Variants in FYB1 observed in about 807,000 individuals in gnomAD.
The protein encoded by FYB1 is FYN-binding protein 1.
Under a neutral mutation model 94.1 loss-of-function variants are expected in FYB1, and 41 were observed. The ratio of observed to expected loss-of-function variants is 0.44; its 90% CI spans 0.34 to 0.57. The LOEUF (loss-of-function observed/expected upper bound fraction) is 0.57. Ranked by LOEUF, FYB1 falls within the 20% of genes least tolerant of loss-of-function variation. The pLI is 0.02. For synonymous variants in FYB1, 367 were observed against 353.2 expected (o/e 1.04, Z -0.44); for missense variants, 1,050 against 976.8 (o/e 1.07, Z -1.00).
At chr5:39,148,200 TA>T (rs1159947066) in intron 3 of FYB1, among the ~76,000 whole-genome samples, 3 of 84,590 alleles carry the variant, frequency 3.5e-5, no homozygotes, top group Non-Finnish European at 6.9e-5. Context: ...TATATATATA[TA>T]TATATATTTG....
chr5:39,131,505 A>G (rs192629997), intron 9 of FYB1, among the ~76,000 whole-genome samples: 1 of 152,250 alleles, frequency 6.6e-6, no homozygotes, highest in African/African-American at 2.4e-5. Context: ...CCTAACGTTA[A>G]AAGTGGGTGA....
chr5:39,256,674 A>G (rs1259107972), intron 1 of FYB1, among the ~76,000 whole-genome samples: 1 of 152,084 alleles, frequency 6.6e-6, no homozygotes. Context: ...CATAGTTTGG[A>G]AATTCCCTGT....
At chr5:39,201,744 G>C (rs1325943824) in intron 2 of FYB1, 82 bp downstream of exon 2, 9 of 1,250,248 alleles carry the variant, frequency 7.2e-6, no homozygotes, top group Non-Finnish European at 1.0e-5. Context: ...ATCATTCCTT[G>C]TTACAAAACT....
chr5:39,232,763 T>C (rs1346370234), intron 1 of FYB1, among the ~76,000 whole-genome samples: 3 of 132,756 alleles, frequency 2.3e-5, no homozygotes, highest in African/African-American at 2.9e-5. Context: ...TTCCCCTTCC[T>C]GTGTCCATGT....
At chr5:39,221,245 C>T (rs373063969), upstream of FYB1, among the ~76,000 whole-genome samples, 27 of 152,232 alleles carry the variant, frequency 1.8e-4, no homozygotes, top group Non-Finnish European at 2.4e-4. Flanking sequence ...GGCCTGAGCT[C>T]TTCTGATCCA....
intron 1 of FYB1, among the ~76,000 whole-genome samples, chr5:39,248,417 C>T (rs1391107503): frequency 1.3e-5 from 2 of 152,044 alleles, no homozygotes; most frequent in East Asian, 3.8e-4. Context: ...CAACAGGCTT[C>T]TTAGAAAAAG....
intron 1 of FYB1, among the ~76,000 whole-genome samples, chr5:39,210,380 T>A (rs1204414106): frequency 6.6e-6 from 1 of 152,240 alleles, no homozygotes; most frequent in East Asian, 1.9e-4. Flanking sequence ...TTCCGAGCAC[T>A]GATGATCCGG....
At chr5:39,232,645 C>T (rs1579747986) in intron 1 of FYB1, among the ~76,000 whole-genome samples, 1 of 151,116 alleles carries the variant, frequency 6.6e-6, no homozygotes, top group Non-Finnish European at 1.5e-5. Flanking sequence ...TATACATGTG[C>T]CATGCTGGTG....
rs190338277 is a variant in FYB1, at chr5:39,180,034, C to G, written c.1135+21792G>C. Among the ~76,000 whole-genome samples the G allele has an allele frequency of 7.0e-4, 107 of 152,184 alleles. 1 individual carries two copies. Among genetic ancestry groups the G allele is most frequent in the African/African-American group, 2.5e-3 (104 of 41,512 alleles). ...CTTAACATGTGGTAATGTAAGTGCCCATTTTTCTGACCATGACTCCTATTA... is the reference window on the plus strand; with the variant it reads ...CTTAACATGTGGTAATGTAAGTGCCGATTTTTCTGACCATGACTCCTATTA... On this transcript the variant is annotated intron_variant, in intron 2 of 18. Coordinates refer to ENST00000512982, the MANE Select transcript of FYB1 (RefSeq NM_001465.6).
At chr5:39,242,896 C>T (rs10052715) in intron 1 of FYB1, among the ~76,000 whole-genome samples, 5 of 151,884 alleles carry the variant, frequency 3.3e-5, no homozygotes, top group Non-Finnish European at 7.3e-5. Flanking sequence ...GCCAGTGATG[C>T]TGAGCATTTT....
intron 2 of FYB1, among the ~76,000 whole-genome samples, chr5:39,154,211 A>T (rs1373880488): frequency 6.6e-6 from 1 of 152,188 alleles, no homozygotes; most frequent in African/African-American, 2.4e-5. Flanking sequence ...TACCTAAAAA[A>T]TTTCTAGGTT....
chr5:39,270,570 A>T, intron 1 of FYB1: 1 of 1,535,146 alleles, frequency 6.5e-7, no homozygotes, highest in Non-Finnish European at 8.7e-7. Flanking sequence ...ATTACTTACC[A>T]TTTTTATTGA....
At chr5:39,110,312 A>G (rs77289629) in intron 17 of FYB1, 44 bp downstream of exon 17, 1 of 1,333,238 alleles carries the variant, frequency 7.5e-7, no homozygotes, top group Non-Finnish European at 1.0e-6. Context: ...AGAAAGGCAC[A>G]AAATTCTTTT....
At chr5:39,109,219 GTTTGGATCTTTTC>G (rs943844902) in intron 17 of FYB1, among the ~76,000 whole-genome samples, 2 of 151,934 alleles carry the variant, frequency 1.3e-5, no homozygotes, top group Non-Finnish European at 2.9e-5. Context: ...TATGTCTTCT[GTTTGGATCTTTTC>G]TCTGAGATGG....
chr5:39,255,713 G>A (rs780051736), intron 1 of FYB1, among the ~76,000 whole-genome samples: 1 of 152,084 alleles, frequency 6.6e-6, no homozygotes. Flanking sequence ...AAAGCCAAAG[G>A]GAAACTATCT....
chr5:39,190,902 C>T (rs2014319), intron 2 of FYB1, among the ~76,000 whole-genome samples: 39 of 151,914 alleles, frequency 2.6e-4, no homozygotes, highest in Non-Finnish European at 8.8e-5. Flanking sequence ...GGAGAAGCTG[C>T]AATCTAGATC....
chr5:39,202,495 C>A lies in FYB1; in HGVS notation c.466G>T (p.Gly156Trp), dbSNP rs757528818. 1.9e-6 allele frequency: 3 copies of A among 1,613,902 alleles called. No homozygotes were observed. In the East Asian group the frequency reaches 6.7e-5, roughly 36 times the overall value. ...HDLKPLGPKSGPTPPTSENEQ... is the reference protein window; with the variant it reads ...HDLKPLGPKSWPTPPTSENEQ... ...TTTTCTGAGGTTGGAGGAGTAGGCCCAGATTTCGGGCCTAGTGGCTTTAAG... is the reference window on the plus strand; with the variant it reads ...TTTTCTGAGGTTGGAGGAGTAGGCCAAGATTTCGGGCCTAGTGGCTTTAAG... Residue 156 changes from glycine (G) to tryptophan (W), a missense_variant, in exon 2 of 19, where the codon GGG (glycine) becomes TGG (tryptophan). Coordinates refer to ENST00000512982, the MANE Select transcript of FYB1 (RefSeq NM_001465.6).
intron 1 of FYB1, among the ~76,000 whole-genome samples, chr5:39,234,762 A>T (rs1471130057): frequency 6.6e-6 from 1 of 152,114 alleles, no homozygotes; most frequent in Non-Finnish European, 1.5e-5. Flanking sequence ...TGAAGCTGGA[A>T]ACCATCATTC....
intron 17 of FYB1, 104 bp from the exon 18 acceptor site, chr5:39,108,366 T>A: frequency 2.0e-6 from 2 of 1,009,810 alleles, no homozygotes; most frequent in African/African-American, 1.6e-5. Context: ...AAGACACAAT[T>A]AAGACTTTTA....
Sources: gnomAD v4.1 joint callset for allele counts (sites outside exome capture counted in the v4.1 genomes callset) on GRCh38, gnomAD v4.1.1 for gene constraint, MANE v1.5 for transcripts, NCBI Gene and HGNC (gene_info 2026-07-23, HGNC 2026-07-21) for gene names.